Variants in MACROD1 observed in about 807,000 individuals in gnomAD.
The protein encoded by MACROD1 is mono-ADP ribosylhydrolase 1.
Under a neutral mutation model 41.4 loss-of-function variants are expected in MACROD1, and 31 were observed. The observed-to-expected ratio is 0.75, with a 90% CI of 0.56 to 1.01. MACROD1 has a LOEUF of 1.01. MACROD1 is among the 50% of genes least tolerant of loss of function. The probability of loss-of-function intolerance (pLI) is 0.00; values close to 1 mark genes in which losing one functional copy is unlikely to be tolerated. For missense variants in MACROD1, 473 were observed against 460.0 expected, an observed-to-expected ratio of 1.03 and a Z score of -0.26; for synonymous variants, 252 against 203.4, an observed-to-expected ratio of 1.24 and a Z score of -2.03.
intron 1 of MACROD1, among the ~76,000 whole-genome samples, chr11:64,158,605 T>C (rs567194840): frequency 6.6e-6 from 1 of 152,254 alleles, no homozygotes; most frequent in East Asian, 1.9e-4. Context: ...TCCCATTTTA[T>C]GGATGAGGAA....
intron 3 of MACROD1, chr11:64,118,833 A>G (rs1309530812): frequency 6.0e-6 from 1 of 167,348 alleles, no homozygotes; most frequent in Non-Finnish European, 1.5e-5. Flanking sequence ...TGGTCCTGAA[A>G]TCTCTCCCCT....
intron 3 of MACROD1, among the ~76,000 whole-genome samples, chr11:64,111,361 A>C (rs1183289769): frequency 1.3e-5 from 2 of 152,212 alleles, no homozygotes; most frequent in African/African-American, 2.4e-5. Flanking sequence ...TCCTAGACTC[A>C]GACTTGACCC....
chr11:64,089,001 C>T lies in MACROD1; in HGVS notation c.517+62238G>A, dbSNP rs566710639. Among the ~76,000 whole-genome samples, 1,159 of 152,236 alleles carry T rather than the reference C, an allele frequency of 7.6e-3. 13 individuals are homozygous for T. The highest frequency in any genetic ancestry group is 9.8e-3 in the Non-Finnish European group (666 of 68,004). On this transcript the variant is annotated intron_variant, in intron 3 of 10. Coordinates refer to ENST00000255681, the MANE Select transcript of MACROD1 (RefSeq NM_014067.4). ...GGTTACCAGACTCAGAGAGAGCCAC[C>T]GAAGCCACTGGGAGGGCCACTGACA...
chr11:64,105,362 C>T (rs750604348), intron 3 of MACROD1, among the ~76,000 whole-genome samples: 3 of 152,224 alleles, frequency 2.0e-5, no homozygotes, highest in East Asian at 1.9e-4. Context: ...AAGGTCTGCT[C>T]AGTGGCTCTG....
At chr11:64,151,907 T>C (rs1945584667) in intron 2 of MACROD1, among the ~76,000 whole-genome samples, 1 of 152,154 alleles carries the variant, frequency 6.6e-6, no homozygotes, top group Non-Finnish European at 1.5e-5. Flanking sequence ...GGCGGGCAGA[T>C]CACTTGAGGT....
At chr11:64,021,152 A>G (rs1320576881) in intron 3 of MACROD1, among the ~76,000 whole-genome samples, 1 of 152,220 alleles carries the variant, frequency 6.6e-6, no homozygotes, top group Non-Finnish European at 1.5e-5. Context: ...TGGACATTAC[A>G]GATGGTGCCC....
chr11:64,024,347 C>T (rs1033874413), intron 3 of MACROD1, among the ~76,000 whole-genome samples: 2 of 152,238 alleles, frequency 1.3e-5, no homozygotes, highest in Non-Finnish European at 2.9e-5. Flanking sequence ...TTCGCCCTCC[C>T]CACAAGAGCC....
chr11:64,046,662 G>A (rs908149855), intron 3 of MACROD1, among the ~76,000 whole-genome samples: 4 of 152,188 alleles, frequency 2.6e-5, no homozygotes, highest in Admixed American at 6.5e-5. Flanking sequence ...TCTATGCCCA[G>A]CTAATTTTGT....
chr11:64,000,195 G>T, intron 5 of MACROD1, 32 bp downstream of exon 5: 1 of 1,569,622 alleles, frequency 6.4e-7, no homozygotes, highest in East Asian at 2.3e-5. Context: ...CCCTGTCTGC[G>T]CCCCACAGCT....
intron 3 of MACROD1, among the ~76,000 whole-genome samples, chr11:64,028,281 T>C (rs1943247767): frequency 1.3e-5 from 2 of 152,156 alleles, no homozygotes. Context: ...CCTTGCCCTG[T>C]GTTATTACCC....
intron 1 of MACROD1, among the ~76,000 whole-genome samples, chr11:64,160,109 G>C (rs959145850): frequency 1.3e-5 from 2 of 152,124 alleles, no homozygotes; most frequent in Non-Finnish European, 2.9e-5. Context: ...TGGAAATACC[G>C]AGCAAACGCC....
At position 64,152,932 on chromosome 11, in the gene MACROD1, T is replaced by TC. The variant is rs576242071; in HGVS notation, c.299-540dup. On this transcript the variant is annotated intron_variant, in intron 1 of 10. Transcript: ENST00000255681. ...GTGGACCTGGCACCTGTCCCCAACA[T>TC]CCCCCCCGGCAGCGGCTGAGGGCTC... Among the ~76,000 whole-genome samples, 12 of 151,404 alleles carry TC rather than the reference T, an allele frequency of 7.9e-5. No homozygotes were observed. In the East Asian group the frequency reaches 1.8e-3, roughly 22 times the overall value.
intron 3 of MACROD1, among the ~76,000 whole-genome samples, chr11:64,135,084 A>T (rs1027506472): frequency 3.3e-5 from 5 of 152,228 alleles, no homozygotes; most frequent in African/African-American, 1.2e-4. Context: ...CCTGACTGGT[A>T]AAACCCAGAG....
In MACROD1 at chr11:64,022,133, G is replaced by C. The variant is rs537238220; in HGVS notation, c.518-6852C>G. On this transcript the variant is annotated intron_variant, in intron 3 of 10. Transcript: ENST00000255681. ...GGGGGCTCAGGCAAGAGCAGCCCCTGGGGGGCCTTGAGAGCCTTAGTGAGA... is the reference window on the plus strand; with the variant it reads ...GGGGGCTCAGGCAAGAGCAGCCCCTCGGGGGCCTTGAGAGCCTTAGTGAGA... 2.6e-3 allele frequency among the ~76,000 whole-genome samples: 396 copies of C among 152,012 alleles called. 4 individuals are homozygous for C. The highest frequency in any genetic ancestry group is 8.8e-3 in the African/African-American group (364 of 41,448).
At chr11:64,073,601 G>A (rs1383463264) in intron 3 of MACROD1, among the ~76,000 whole-genome samples, 1 of 152,198 alleles carries the variant, frequency 6.6e-6, no homozygotes, top group Non-Finnish European at 1.5e-5. Context: ...GCCCAGGTAC[G>A]GCAGGTGCAG....
chr11:64,148,472 G>C (rs1200568325), intron 3 of MACROD1, among the ~76,000 whole-genome samples: 3 of 152,288 alleles, frequency 2.0e-5, no homozygotes, highest in Non-Finnish European at 4.4e-5. Context: ...TTCTCCATGG[G>C]CCACTGACGC....
At chr11:64,071,927 T>C (rs913309157) in intron 3 of MACROD1, among the ~76,000 whole-genome samples, 7 of 152,150 alleles carry the variant, frequency 4.6e-5, no homozygotes. Flanking sequence ...CCAGTGACAC[T>C]TCTAGGTCCC....
At chr11:64,063,513 G>C (rs111341408) in intron 3 of MACROD1, among the ~76,000 whole-genome samples, 1 of 152,176 alleles carries the variant, frequency 6.6e-6, no homozygotes, top group Non-Finnish European at 1.5e-5. Flanking sequence ...TCCTGGCAAA[G>C]TCCCAGGTGC....
intron 3 of MACROD1, among the ~76,000 whole-genome samples, chr11:64,040,817 G>C (rs1380522621): frequency 5.9e-5 from 9 of 152,062 alleles, no homozygotes; most frequent in African/African-American, 2.2e-4. Flanking sequence ...CTGTGTCCTG[G>C]AGGGCCCCGG....
Sources: gnomAD v4.1 joint callset for allele counts (sites outside exome capture counted in the v4.1 genomes callset) on GRCh38, gnomAD v4.1.1 for gene constraint, MANE v1.5 for transcripts, NCBI Gene and HGNC (gene_info 2026-07-23, HGNC 2026-07-21) for gene names.